SVIL: variants seen among roughly 807,000 people sequenced by gnomAD.
SVIL encodes the protein supervillin.
Under a neutral mutation model 240.4 loss-of-function variants are expected in SVIL, and 101 were observed. The ratio of observed to expected loss-of-function variants is 0.42; its 90% CI spans 0.36 to 0.50. SVIL has a LOEUF of 0.50. Among genes scored for constraint, SVIL ranks in the 20% least tolerant of loss-of-function variants. The probability of loss-of-function intolerance (pLI) is 0.01; values close to 1 mark genes in which losing one functional copy is unlikely to be tolerated. For synonymous variants in SVIL, 999 were observed against 1,100.0 expected (o/e 0.91, Z 1.82); for missense variants, 2,512 against 2,818.7 (o/e 0.89, Z 2.46).
intron 1 of SVIL, among the ~76,000 whole-genome samples, chr10:29,608,437 G>A (rs1957107403): frequency 6.6e-6 from 1 of 152,224 alleles, no homozygotes; most frequent in Non-Finnish European, 1.5e-5. Context: ...CCCAGCAGGA[G>A]CCCTGCACCC....
intron 1 of SVIL, among the ~76,000 whole-genome samples, chr10:29,591,377 G>C (rs1956383445): frequency 6.6e-6 from 1 of 152,136 alleles, no homozygotes; most frequent in African/African-American, 2.4e-5. Context: ...GAAACCCAGG[G>C]AATCCAAACT....
chr10:29,509,348 AGAGAGAGAG>A (rs1949636873), intron 17 of SVIL, among the ~76,000 whole-genome samples: 1 of 106,456 alleles, frequency 9.4e-6, no homozygotes, highest in Non-Finnish European at 2.0e-5. Context: ...AGAGAGAGAG[AGAGAGAGAG>A]AGAGAGAGAG....
intron 20 of SVIL, among the ~76,000 whole-genome samples, chr10:29,493,882 T>A (rs1948191455): frequency 6.6e-6 from 1 of 152,146 alleles, no homozygotes; most frequent in Non-Finnish European, 1.5e-5. Flanking sequence ...AAACTTTATT[T>A]ACAAAAACAG....
At chr10:29,562,287 T>TAACA (rs1954549860) in intron 3 of SVIL, among the ~76,000 whole-genome samples, 1 of 152,236 alleles carries the variant, frequency 6.6e-6, no homozygotes, top group Admixed American at 6.5e-5. Context: ...ATTTCACTGG[T>TAACA]AACACTAGGG....
chr10:29,554,768 C>T lies in SVIL; in HGVS notation c.160+15G>A. 1 of 1,544,376 alleles carries T rather than the reference C, an allele frequency of 6.5e-7. No individual in the cohort carries two copies. ...GCAGCCTGCTGGAAAATGGGCCACC[C>T]AGCTCCACGCTCACCGATGTGGGGG... On this transcript the variant is annotated intron_variant, in intron 5 of 37. Transcript: ENST00000355867.
intron 13 of SVIL, 73 bp downstream of exon 13, chr10:29,526,888 C>A: frequency 8.1e-7 from 1 of 1,229,360 alleles, no homozygotes; most frequent in Non-Finnish European, 1.1e-6. Flanking sequence ...GACAGACATT[C>A]AAGACTTTAG....
intron 1 of SVIL, among the ~76,000 whole-genome samples, chr10:29,600,845 G>A (rs1293705513): frequency 2.6e-5 from 4 of 152,120 alleles, no homozygotes; most frequent in East Asian, 1.9e-4. Context: ...CAAGGGACCC[G>A]TGCTATGGGA....
At chr10:29,689,073 G>A (rs1961302273) in intron 1 of SVIL, among the ~76,000 whole-genome samples, 1 of 152,116 alleles carries the variant, frequency 6.6e-6, no homozygotes, top group South Asian at 2.1e-4. Flanking sequence ...TAAGCTCTAG[G>A]AATTATGCAA....
chr10:29,499,174 G>A lies in SVIL; in HGVS notation c.3606C>T (p.Gly1202=). The change falls in exon 18 of 38, where the codon GGC becomes GGT. Residue 1202 remains glycine, a synonymous_variant. Transcript: ENST00000355867. ...GGGTCGAGTCGTTGGCCGCTCCTCT[G>A]CCTCTCGTCTTCCAGGCCTCCTCTC... ...TVREEAWKTR[G]RGAANDSTQF... is the part of the protein sequence containing the mutation. 6.2e-7 allele frequency: 1 copy of A among 1,614,106 alleles called. No homozygotes were observed. The highest frequency in any genetic ancestry group is 8.5e-7 in the Non-Finnish European group (1 of 1,180,036).
intron 16 of SVIL, among the ~76,000 whole-genome samples, chr10:29,521,730 C>A: frequency 6.6e-6 from 1 of 152,168 alleles, no homozygotes; most frequent in Non-Finnish European, 1.5e-5. Context: ...AACACATCCC[C>A]AAGGTAATTT....
intron 16 of SVIL, among the ~76,000 whole-genome samples, chr10:29,517,633 G>A (rs1186287777): frequency 2.0e-5 from 3 of 152,158 alleles, no homozygotes; most frequent in African/African-American, 4.8e-5. Flanking sequence ...GGCGGGGGCC[G>A]GCAGGCGGGA....
chr10:29,470,399 C>T lies in SVIL; in HGVS notation c.5720G>A (p.Arg1907Lys). 1 of 1,614,230 alleles carries T rather than the reference C, an allele frequency of 6.2e-7. No homozygotes were observed. Among genetic ancestry groups the T allele is most frequent in the Non-Finnish European group, 8.5e-7 (1 of 1,180,042 alleles). The stretch of plus-strand genomic sequence containing the variant: ...AAGCACCACCATGGAAGTTCTGGAC[C>T]TCAGGCTGCTACAGTGACAGGCCAC... The part of the protein sequence containing the change: ...LEVACHCSSL[R>K]SRTSMVVLNV... The change falls in exon 32 of 38, where the codon AGG (arginine) becomes AAG (lysine). Residue 1907 changes from arginine to lysine, a missense_variant. Physicochemically the swap from Arg to Lys is conservative, Grantham distance 26. Transcript: ENST00000355867.
intron 35 of SVIL, among the ~76,000 whole-genome samples, chr10:29,463,186 G>A (rs1806460): frequency 0.28 from 42,657 of 152,126 alleles, 6,440 homozygotes; most frequent in East Asian, 0.54. Context: ...CGAGTACAGC[G>A]GGGTTTTAAT....
upstream of SVIL, among the ~76,000 whole-genome samples, chr10:29,639,132 A>G (rs1033492652): frequency 3.9e-5 from 6 of 152,022 alleles, no homozygotes; most frequent in Non-Finnish European, 7.4e-5. Flanking sequence ...ATAGAAAACA[A>G]GTTTTTGAAA....
chr10:29,707,439 T>C (rs916440710), intron 1 of SVIL, among the ~76,000 whole-genome samples: 1 of 152,204 alleles, frequency 6.6e-6, no homozygotes, highest in African/African-American at 2.4e-5. Context: ...GGCTCTCTGC[T>C]TGTCTATTGT....
intron 6 of SVIL, among the ~76,000 whole-genome samples, chr10:29,540,776 G>A (rs576704922): frequency 1.1e-4 from 16 of 152,236 alleles, no homozygotes; most frequent in African/African-American, 3.4e-4. Flanking sequence ...CGTTTCCACC[G>A]TCAGAAGAGT....
chr10:29,683,780 C>T (rs1960848838), intron 2 of SVIL, among the ~76,000 whole-genome samples: 1 of 152,120 alleles, frequency 6.6e-6, no homozygotes, highest in South Asian at 2.1e-4. Flanking sequence ...ACAGCCTGTG[C>T]CAGGCCCTCA....
chr10:29,547,626 T>C (rs1473537599), intron 6 of SVIL, among the ~76,000 whole-genome samples: 2 of 152,210 alleles, frequency 1.3e-5, no homozygotes, highest in African/African-American at 2.4e-5. Flanking sequence ...ATTTTTTTAA[T>C]ATTAAGATTT....
chr10:29,614,133 A>T (rs182700690), intron 1 of SVIL, among the ~76,000 whole-genome samples: 32 of 152,250 alleles, frequency 2.1e-4, no homozygotes, highest in African/African-American at 3.9e-4. Flanking sequence ...ATTTTTTTTA[A>T]AAAATTAAAG....
Sources: allele counts gnomAD v4.1 joint callset (sites outside exome capture counted in the v4.1 genomes callset), GRCh38; gene constraint gnomAD v4.1.1; transcripts MANE v1.5; gene names NCBI Gene and HGNC (gene_info 2026-07-23, HGNC 2026-07-21).